PNLIPRP3: variants seen among roughly 807,000 people sequenced by gnomAD.
The protein encoded by PNLIPRP3 is pancreatic lipase-related protein 3.
In PNLIPRP3, 58 loss-of-function variants were observed where a neutral mutation model predicts 52.8. The observed-to-expected ratio is 1.10, with a 90% CI of 0.89 to 1.37. PNLIPRP3 has a LOEUF of 1.37. Ranked by LOEUF, PNLIPRP3 falls within the 40% of genes most tolerant of loss-of-function variation. The pLI is 0.00. For missense variants in PNLIPRP3, 593 were observed against 561.6 expected, an observed-to-expected ratio of 1.06 and a Z score of -0.57; for synonymous variants, 192 against 185.0, an observed-to-expected ratio of 1.04 and a Z score of -0.31.
At chr10:116,473,421 T>A (rs181064163) in intron 10 of PNLIPRP3, among the ~76,000 whole-genome samples, 1 of 152,244 alleles carries the variant, frequency 6.6e-6, no homozygotes, top group Non-Finnish European at 1.5e-5. Flanking sequence ...ATATTTTTAA[T>A]CCCATCCATT....
chr10:116,443,787 A>C (rs193283188), intron 3 of PNLIPRP3, among the ~76,000 whole-genome samples: 1 of 14,508 alleles, frequency 6.9e-5, no homozygotes. Flanking sequence ...GTGTGTGTGT[A>C]TGTATGTGTG....
At chr10:116,464,206 A>G (rs1846242313) in intron 7 of PNLIPRP3, among the ~76,000 whole-genome samples, 1 of 152,222 alleles carries the variant, frequency 6.6e-6, no homozygotes, top group African/African-American at 2.4e-5. Flanking sequence ...GCACTGGTTC[A>G]CAATGCTGAC....
intron 2 of PNLIPRP3, among the ~76,000 whole-genome samples, chr10:116,441,758 G>A (rs1200916580): frequency 6.6e-6 from 1 of 152,134 alleles, no homozygotes; most frequent in Non-Finnish European, 1.5e-5. Context: ...ATTAGCTGCA[G>A]TACTTTTTGG....
At chr10:116,469,051 G>A (rs1461447760) in intron 8 of PNLIPRP3, 134 bp from the exon 9 acceptor site, 1 of 877,066 alleles carries the variant, frequency 1.1e-6, no homozygotes. Context: ...ATGGTGGCCT[G>A]TTAGGCACTT....
intron 8 of PNLIPRP3, 122 bp from the exon 9 acceptor site, chr10:116,469,063 T>C: frequency 1.9e-6 from 2 of 1,043,098 alleles, no homozygotes; most frequent in South Asian, 4.3e-5. Flanking sequence ...TAGGCACTTT[T>C]AAAATGCATA....
At chr10:116,470,146 G>A (rs189904095) in intron 9 of PNLIPRP3, among the ~76,000 whole-genome samples, 1 of 131,476 alleles carries the variant, frequency 7.6e-6, no homozygotes, top group African/African-American at 2.8e-5. Context: ...AGGCTAGTTT[G>A]GAGCAAGATG....
In PNLIPRP3 at chr10:116,469,215, T is replaced by C. The variant is rs764436851; in HGVS notation, c.958T>C (p.Cys320Arg). The part of the protein sequence containing the change: ...GNCFFCSKEG[C>R]PTMGHFADRF... ...TTGCTTCTTTTGTTCCAAAGAAGGT[T>C]GCCCAACAATGGGTCATTTTGCTGA... Residue 320 changes from cysteine to arginine, a missense_variant, in exon 9 of 12, where the codon TGC becomes CGC. Coordinates refer to ENST00000369230, the MANE Select transcript of PNLIPRP3 (RefSeq NM_001011709.3). 1 of 1,612,438 alleles carries C rather than the reference T, an allele frequency of 6.2e-7. No homozygotes were observed. The highest frequency in any genetic ancestry group is 1.3e-5 in the African/African-American group (1 of 74,856).
chr10:116,436,815 A>T lies in PNLIPRP3; in HGVS notation c.154A>T (p.Ile52Leu), dbSNP rs1439553428. The change falls in exon 2 of 12, where the codon ATA becomes TTA. Residue 52 changes from isoleucine to leucine, a missense_variant. Transcript: ENST00000369230. ...AGGTTTACCCTGGTCTCCAGAGAAG[A>T]TAAACACTCGTTTCCTGCTCTACAC... ...LVGLPWSPEK[I>L]NTRFLLYTIH... is the part of the protein sequence containing the mutation. 1 of 1,613,512 alleles carries T rather than the reference A, an allele frequency of 6.2e-7. No homozygotes were observed. The highest frequency in any genetic ancestry group is 8.5e-7 in the Non-Finnish European group (1 of 1,179,628).
rs1346574239 is a variant in PNLIPRP3, at chr10:116,476,582, A to C, written c.1173-70A>C. 4 of 1,264,990 alleles carry C rather than the reference A, an allele frequency of 3.2e-6. No individual in the cohort carries two copies. The Admixed American group carries it at 1.0e-4, about 33-fold the overall frequency. The allele number at this position is 1,264,990 out of a possible 1,614,324, so 78.4% of individuals were successfully genotyped here. ...AGTTTCTCTTCCATAGTGCATACAC[A>C]GATGTGTTTTCTTTCATTCAGTGCT... On this transcript the variant is annotated intron_variant, in intron 10 of 11. Coordinates refer to ENST00000369230, the MANE Select transcript of PNLIPRP3 (RefSeq NM_001011709.3).
chr10:116,477,650 T>C lies in PNLIPRP3; in HGVS notation c.*497T>C, dbSNP rs971861387. The C allele has an allele frequency of 6.6e-6, 1 of 152,348 alleles. No individual in the cohort carries two copies. The highest frequency in any genetic ancestry group is 2.4e-5 in the African/African-American group (1 of 41,450). The allele number at this position is 152,348 out of a possible 1,614,324, so 9.4% of individuals were successfully genotyped here. On this transcript the variant is annotated 3_prime_UTR_variant, in exon 12 of 12. Transcript: ENST00000369230. The stretch of plus-strand genomic sequence containing the variant: ...ATAACCTTGTGGGTTGATGTGTCTA[T>C]CTAGTAATAATAAAAACTAATGAGA...
chr10:116,459,049 A>G (rs1019624356), intron 5 of PNLIPRP3, among the ~76,000 whole-genome samples: 2 of 152,112 alleles, frequency 1.3e-5, no homozygotes, highest in Non-Finnish European at 2.9e-5. Context: ...AATTTGTCCC[A>G]GTGGACCCCT....
At position 116,465,763 on chromosome 10, in the gene PNLIPRP3, C is replaced by T. The variant is rs1189619456; in HGVS notation, c.809-287C>T. 2.0e-5 allele frequency among the ~76,000 whole-genome samples: 3 copies of T among 152,178 alleles called. No homozygotes were observed. In the East Asian group the frequency reaches 5.8e-4, roughly 29 times the overall value. On this transcript the variant is annotated intron_variant, in intron 7 of 11. Transcript: ENST00000369230. The stretch of plus-strand genomic sequence containing the variant: ...GCCTAGGAAATTGTCTGCCTCCTGC[C>T]ACTGTCACTAGGAAGTGACTCAGTA...
chr10:116,430,000 T>C (rs1845686786), intron 1 of PNLIPRP3, among the ~76,000 whole-genome samples: 1 of 152,190 alleles, frequency 6.6e-6, no homozygotes, highest in Non-Finnish European at 1.5e-5. Flanking sequence ...AGGCTAGGAA[T>C]GATCCAGCAG....
rs771354334 is a variant in PNLIPRP3, at chr10:116,469,196, C to A, written c.939C>A (p.Phe313Leu). The change falls in exon 9 of 12, where the codon TTC becomes TTA. Residue 313 changes from phenylalanine (F) to leucine (L), a missense_variant. By Grantham distance (22) the Phe-to-Leu change is conservative. Transcript: ENST00000369230. ...SYTSFKAGNCFFCSKEGCPTM... is the reference protein window; with the variant it reads ...SYTSFKAGNCLFCSKEGCPTM... Reference sequence around the variant, plus strand: ...TTTTCTGTCATCAGGGAAATTGCTTCTTTTGTTCCAAAGAAGGTTGCCCAA... The same window carrying A: ...TTTTCTGTCATCAGGGAAATTGCTTATTTTGTTCCAAAGAAGGTTGCCCAA... 3 of 1,610,640 alleles carry A rather than the reference C, an allele frequency of 1.9e-6. No individual in the cohort carries two copies. Among genetic ancestry groups the A allele is most frequent in the Non-Finnish European group, 2.5e-6 (3 of 1,179,142 alleles).
chr10:116,476,828 T>C lies in PNLIPRP3; in HGVS notation c.1340+9T>C. 1 of 1,563,656 alleles carries C rather than the reference T, an allele frequency of 6.4e-7. No individual in the cohort carries two copies. The highest frequency in any genetic ancestry group is 8.6e-7 in the Non-Finnish European group (1 of 1,156,776). On this transcript the variant is annotated intron_variant, in intron 11 of 11. Coordinates refer to ENST00000369230, the MANE Select transcript of PNLIPRP3 (RefSeq NM_001011709.3). The stretch of plus-strand genomic sequence containing the variant: ...GGGAAATATGGATATAAGTAAGTAT[T>C]GCTTTTTCCTTTTCATTTTCGTAGT...
chr10:116,466,700 AAAAG>A (rs1331517019), intron 8 of PNLIPRP3, among the ~76,000 whole-genome samples: 2 of 152,252 alleles, frequency 1.3e-5, no homozygotes, highest in African/African-American at 4.8e-5. Context: ...TTACTTGAGT[AAAAG>A]AAAGAAAATC....
At chr10:116,447,905 C>G (rs1388404160) in intron 4 of PNLIPRP3, among the ~76,000 whole-genome samples, 2 of 148,446 alleles carry the variant, frequency 1.3e-5, no homozygotes, top group Admixed American at 6.8e-5. Context: ...CCACTGCACT[C>G]CAGCCTGGGT....
chr10:116,438,448 C>T (rs1237037330), intron 2 of PNLIPRP3, among the ~76,000 whole-genome samples: 12 of 152,172 alleles, frequency 7.9e-5, no homozygotes, highest in Admixed American at 7.2e-4. Flanking sequence ...GCACTCCTAC[C>T]GTACAAATAT....
rs150039597 is a variant in PNLIPRP3, at chr10:116,449,825, G to A, written c.456+5312G>A. On this transcript the variant is annotated intron_variant, in intron 4 of 11. Coordinates refer to ENST00000369230, the MANE Select transcript of PNLIPRP3 (RefSeq NM_001011709.3). ...CGTCTCAGGTACACACAGAACCTTC[G>A]CCAGGATAGATCACAAGTGAGGTCA... Among the ~76,000 whole-genome samples the A allele has an allele frequency of 6.2e-4, 94 of 152,260 alleles. 1 individual carries two copies. Among genetic ancestry groups the A allele is most frequent in the African/African-American group, 2.1e-3 (88 of 41,542 alleles).
Sources: gnomAD v4.1 joint callset for allele counts (sites outside exome capture counted in the v4.1 genomes callset) on GRCh38, gnomAD v4.1.1 for gene constraint, MANE v1.5 for transcripts, NCBI Gene and HGNC (gene_info 2026-07-23, HGNC 2026-07-21) for gene names.